The following TRIM66 variants were observed in gnomAD, a reference collection of about 807,000 sequenced individuals.
TRIM66 encodes the protein tripartite motif-containing protein 66.
In TRIM66, 99 loss-of-function variants were observed where a neutral mutation model predicts 148.2. The ratio of observed to expected loss-of-function variants is 0.67; its 90% confidence interval spans 0.57 to 0.79. TRIM66 has a LOEUF of 0.79. Ranked by LOEUF, TRIM66 falls within the 30% of genes least tolerant of loss-of-function variation. TRIM66 has a pLI of 0.00. For synonymous variants in TRIM66, 616 were observed against 635.9 expected (o/e 0.97, Z 0.47); for missense variants, 1,666 against 1,697.9 (o/e 0.98, Z 0.33).
In TRIM66 at chr11:8,619,543, G is replaced by T; in HGVS notation, c.3748-8C>A. 6 of 1,522,566 alleles carry T rather than the reference G, an allele frequency of 3.9e-6. No individual in the cohort carries two copies. The highest frequency in any genetic ancestry group is 5.3e-6 in the Non-Finnish European group (6 of 1,134,254). 94.3% of individuals were successfully genotyped at this position (1,522,566 alleles called of 1,614,324 possible). On this transcript the variant is annotated splice_region_variant and splice_polypyrimidine_tract_variant and intron_variant, in intron 22 of 24. Coordinates refer to ENST00000646038, the MANE Select transcript of TRIM66 (RefSeq NM_001388022.1). ...CTGGTAATAATGCCGGGCCTTGGGG[G>T]AGGAGACATGAGGAGAAGGAGGCAA...
intron 15 of TRIM66, among the ~76,000 whole-genome samples, chr11:8,634,182 T>G (rs183480941): frequency 5.6e-4 from 86 of 152,314 alleles, no homozygotes; most frequent in Admixed American, 9.8e-4. Context: ...CTTTTCATTT[T>G]CTTAAGACAA....
intron 23 of TRIM66, 200 bp from the exon 24 acceptor site, chr11:8,619,168 G>T: frequency 1.4e-6 from 1 of 707,282 alleles, no homozygotes; most frequent in Non-Finnish European, 2.3e-6. Flanking sequence ...GGTATCCACA[G>T]ATGGCCACTC....
intron 15 of TRIM66, among the ~76,000 whole-genome samples, chr11:8,629,929 T>G (rs757496238): frequency 6.6e-6 from 1 of 152,190 alleles, no homozygotes; most frequent in Non-Finnish European, 1.5e-5. Flanking sequence ...CAACCCCATT[T>G]TTACAGGCTA....
rs2033431277 is a variant in TRIM66, at chr11:8,612,106, C to T, written c.*5838G>A. ...ATAGGTTCTTTTAAAATCAGCTATACTTCCCTTTAAAATATCCTCCCTCAT... is the reference window on the plus strand; with the variant it reads ...ATAGGTTCTTTTAAAATCAGCTATATTTCCCTTTAAAATATCCTCCCTCAT... On this transcript the variant is annotated 3_prime_UTR_variant, in exon 25 of 25. Coordinates refer to ENST00000646038, the MANE Select transcript of TRIM66 (RefSeq NM_001388022.1). 1 of 152,178 alleles carries T rather than the reference C, an allele frequency of 6.6e-6. No homozygotes were observed. The highest frequency in any genetic ancestry group is 2.4e-5 in the African/African-American group (1 of 41,448). 9.4% of individuals were successfully genotyped at this position (152,178 alleles called of 1,614,324 possible).
intron 6 of TRIM66, among the ~76,000 whole-genome samples, chr11:8,664,251 G>C (rs1296594943): frequency 6.6e-6 from 1 of 152,114 alleles, no homozygotes. Context: ...AATACATACA[G>C]TTTTACATGT....
intron 17 of TRIM66, among the ~76,000 whole-genome samples, chr11:8,623,528 T>TG (rs1262728981): frequency 1.3e-5 from 2 of 152,110 alleles, no homozygotes; most frequent in Non-Finnish European, 2.9e-5. Flanking sequence ...TCAGTCAGTG[T>TG]GAAAAAAAAG....
At chr11:8,679,384 C>T (rs927962988) in intron 3 of TRIM66, 1 of 152,304 alleles carries the variant, frequency 6.6e-6, no homozygotes, top group African/African-American at 2.4e-5. Context: ...GTTAGGTGAA[C>T]ACAGAACCCA....
intron 6 of TRIM66, among the ~76,000 whole-genome samples, chr11:8,671,176 C>T (rs1451048448): frequency 6.6e-6 from 1 of 152,206 alleles, no homozygotes. Context: ...CTAAGTGTTG[C>T]CAACTTATTT....
intron 6 of TRIM66, among the ~76,000 whole-genome samples, chr11:8,664,412 T>C (rs531807915): frequency 2.0e-5 from 3 of 152,320 alleles, no homozygotes; most frequent in South Asian, 4.1e-4. Flanking sequence ...AGTGCCACAA[T>C]GTCGATCGCA....
intron 6 of TRIM66, among the ~76,000 whole-genome samples, chr11:8,655,152 G>C (rs1372675717): frequency 6.6e-6 from 1 of 152,146 alleles, no homozygotes; most frequent in East Asian, 1.9e-4. Flanking sequence ...GAGCCACTGT[G>C]CCTGGCAGAG....
chr11:8,620,235 G>T, intron 21 of TRIM66, 111 bp from the exon 22 acceptor site: 1 of 1,297,480 alleles, frequency 7.7e-7, no homozygotes, highest in Non-Finnish European at 1.1e-6. Context: ...GATGCCAGCT[G>T]CCATACTAAG....
At position 8,649,855 on chromosome 11, in the gene TRIM66, T is replaced by C. The variant is rs1332034553; in HGVS notation, c.477A>G (p.Ala159=). The C allele has an allele frequency of 1.9e-6, 3 of 1,551,662 alleles. No individual in the cohort carries two copies. Among genetic ancestry groups the C allele is most frequent in the Admixed American group, 2.0e-5 (1 of 50,996 alleles). The change falls in exon 8 of 25, where the codon GCA becomes GCG. Residue 159 remains alanine (A), a synonymous_variant. Coordinates refer to ENST00000646038, the MANE Select transcript of TRIM66 (RefSeq NM_001388022.1). ...NCSECKEKRA[A]HILCTYCNRW... ...GATTGCAGTAGGTGCAGAGGATATG[T>C]GCTGCCCTCTTCTCCTTGCACTCAG...
chr11:8,667,586 C>G (rs2133449405), intron 6 of TRIM66, among the ~76,000 whole-genome samples: 1 of 152,268 alleles, frequency 6.6e-6, no homozygotes, highest in Admixed American at 6.5e-5. Context: ...TCCCCCAGCC[C>G]CTAGAAATCA....
At chr11:8,671,174 T>G (rs991939129) in intron 6 of TRIM66, among the ~76,000 whole-genome samples, 1 of 152,254 alleles carries the variant, frequency 6.6e-6, no homozygotes, top group Non-Finnish European at 1.5e-5. Context: ...TTCTAAGTGT[T>G]GCCAACTTAT....
In TRIM66 at chr11:8,645,863, T is replaced by G; in HGVS notation, c.982A>C (p.Lys328Gln). Residue 328 changes from lysine to glutamine, a missense_variant, in exon 12 of 25, where the codon AAG (lysine) becomes CAG (glutamine). Lys to Gln is a moderately conservative substitution (Grantham distance 53, BLOSUM62 1). Around this residue, in one of 3 missense-constraint regions of TRIM66, gnomAD observed 1,431 missense variants for 1,412.4 expected, o/e 1.01. Transcript: ENST00000646038. The stretch of plus-strand genomic sequence containing the variant: ...ATGCTCTGTAACTGCTGTTCCAGCT[T>G]CCGCTTTCTCTCATTAGTAATCCCC... ...LEGITNERKR[K>Q]LEQQLQSIMV... The G allele has an allele frequency of 1.3e-6, 2 of 1,551,702 alleles. No individual in the cohort carries two copies. Among genetic ancestry groups the G allele is most frequent in the Non-Finnish European group, 1.7e-6 (2 of 1,146,988 alleles).
intron 4 of TRIM66, among the ~76,000 whole-genome samples, chr11:8,674,416 C>T (rs1227028657): frequency 6.6e-6 from 1 of 152,094 alleles, no homozygotes; most frequent in African/African-American, 2.4e-5. Context: ...CAGGGTCTTG[C>T]TCTGTTGCCT....
At chr11:8,656,258 T>C (rs769452143) in intron 6 of TRIM66, among the ~76,000 whole-genome samples, 2 of 152,272 alleles carry the variant, frequency 1.3e-5, no homozygotes, top group Non-Finnish European at 2.9e-5. Context: ...TACTTAACAA[T>C]ATTTAATATT....
At chr11:8,645,160 A>G (rs1002950122) in intron 12 of TRIM66, among the ~76,000 whole-genome samples, 1 of 152,058 alleles carries the variant, frequency 6.6e-6, no homozygotes, top group Non-Finnish European at 1.5e-5. Flanking sequence ...TCCAAAACCA[A>G]CTTTTCTTCT....
intron 1 of TRIM66, among the ~76,000 whole-genome samples, chr11:8,681,134 A>ATTTT (rs72232543): frequency 7.1e-6 from 1 of 141,468 alleles, no homozygotes. Context: ...GAATTTTGGA[A>ATTTT]TTTTTTTTTT....
Sources: gnomAD v4.1 joint callset for allele counts (sites outside exome capture counted in the v4.1 genomes callset) on GRCh38, gnomAD v4.1.1 for gene constraint, gnomAD v4.1.1 regional missense constraint, MANE v1.5 for transcripts, NCBI Gene and HGNC (gene_info 2026-07-23, HGNC 2026-07-21) for gene names.